Variants in MACF1 observed in about 807,000 individuals in gnomAD.
MACF1 encodes microtubule actin crosslinking factor 1.
Under a neutral mutation model 854.8 loss-of-function variants are expected in MACF1, and 193 were observed. The ratio of observed to expected loss-of-function variants is 0.23; its 90% confidence interval spans 0.20 to 0.25. The LOEUF (loss-of-function observed/expected upper bound fraction) is 0.25. MACF1 is among the 10% of genes least tolerant of loss of function. MACF1 has a pLI of 1.00. For synonymous variants in MACF1, 3,185 were observed against 3,226.7 expected, an observed-to-expected ratio of 0.99 and a Z score of 0.44; for missense variants, 7,722 against 8,929.1, an observed-to-expected ratio of 0.86 and a Z score of 5.45.
intron 14 of MACF1, among the ~76,000 whole-genome samples, chr1:39,286,474 C>T (rs377498593): frequency 0.084 from 12,253 of 146,554 alleles, 708 homozygotes; most frequent in Non-Finnish European, 0.12. Flanking sequence ...TTTTTTTCCC[C>T]TTTTTTTTTT....
At chr1:39,146,434 C>T (rs2148190593) in intron 2 of MACF1, among the ~76,000 whole-genome samples, 2 of 148,880 alleles carry the variant, frequency 1.3e-5, no homozygotes, top group Non-Finnish European at 3.0e-5. Context: ...CAGAGCAAGA[C>T]TCTGTCTCCT....
chr1:39,158,224 T>A (rs1309999312), intron 2 of MACF1, among the ~76,000 whole-genome samples: 1 of 152,078 alleles, frequency 6.6e-6, no homozygotes, highest in Non-Finnish European at 1.5e-5. Flanking sequence ...GTTGGGGATA[T>A]GTGGGTGATA....
intron 15 of MACF1, among the ~76,000 whole-genome samples, chr1:39,290,138 A>G (rs1356061766): frequency 1.3e-5 from 2 of 152,122 alleles, no homozygotes; most frequent in Non-Finnish European, 2.9e-5. Flanking sequence ...CTTGGAAAGT[A>G]TTTCTGGTGT....
chr1:39,107,309 G>T (rs1040330694), intron 2 of MACF1, among the ~76,000 whole-genome samples: 2 of 152,012 alleles, frequency 1.3e-5, no homozygotes, highest in Non-Finnish European at 2.9e-5. Context: ...CTTGTTCCAG[G>T]AGAGACCTCT....
rs1206773592 is a variant in MACF1 at position 39,282,241 on chromosome 1, G to A, written c.562G>A (p.Asp188Asn). Residue 188 changes from aspartate to asparagine, a missense_variant, in exon 7 of 101, where the codon GAT (aspartate) becomes AAT (asparagine). Physicochemically the swap from Asp to Asn is conservative, Grantham distance 23. Transcript: ENST00000564288. ...CATCTACATTAGTGGAGAATCAGGGGATATGTCAGCCAAGGAGAAACTACT... is the reference window on the plus strand; with the variant it reads ...CATCTACATTAGTGGAGAATCAGGGAATATGTCAGCCAAGGAGAAACTACT... ...SDIYISGESG[D>N]MSAKEKLLLW... 1 of 1,614,002 alleles carries A rather than the reference G, an allele frequency of 6.2e-7. No homozygotes were observed. Among genetic ancestry groups the A allele is most frequent in the South Asian group, 1.1e-5 (1 of 91,080 alleles).
intron 48 of MACF1, 54 bp from the exon 49 acceptor site, chr1:39,361,306 C>G: frequency 1.3e-6 from 2 of 1,546,746 alleles, no homozygotes; most frequent in Non-Finnish European, 1.8e-6. Context: ...GTTTGTGGCT[C>G]AGATGTCCTG....
rs747536687 is a variant in MACF1 at position 39,317,285 on chromosome 1, G to A, written c.3660G>A (p.Lys1220=). The change falls in exon 29 of 101, where the codon AAG becomes AAA. Residue 1220 remains lysine, a synonymous_variant. Coordinates refer to ENST00000564288, the MANE Select transcript of MACF1 (RefSeq NM_001394062.1). ...SVLDEEIAKA[K]VVAEQMSRLT... Reference sequence around the variant, plus strand: ...TGGATGAGGAAATTGCCAAGGCCAAGGTAGTGGCAGAGCAGATGAGTCGTC... The same window carrying A: ...TGGATGAGGAAATTGCCAAGGCCAAAGTAGTGGCAGAGCAGATGAGTCGTC... The A allele has an allele frequency of 1.2e-6, 2 of 1,613,988 alleles. No homozygotes were observed. Among genetic ancestry groups the A allele is most frequent in the Non-Finnish European group, 8.5e-7 (1 of 1,180,024 alleles).
At chr1:39,323,099 G>T in intron 33 of MACF1, 91 bp downstream of exon 33, 1 of 1,229,276 alleles carries the variant, frequency 8.1e-7, no homozygotes, top group Non-Finnish European at 1.2e-6. Flanking sequence ...CTGGTACCCA[G>T]GTGGCTGAGT....
At chr1:39,407,630 T>A (rs1642762864) in intron 58 of MACF1, among the ~76,000 whole-genome samples, 1 of 152,196 alleles carries the variant, frequency 6.6e-6, no homozygotes, top group Non-Finnish European at 1.5e-5. Context: ...GGTCTTTTAG[T>A]TGCCTAATTC....
At chr1:39,273,251 C>T (rs1200483056) in intron 6 of MACF1, among the ~76,000 whole-genome samples, 2 of 151,468 alleles carry the variant, frequency 1.3e-5, no homozygotes, top group African/African-American at 4.9e-5. Context: ...ATTCGCCTGC[C>T]TCAGCCTCCC....
chr1:39,440,701 A>G (rs561909704), intron 72 of MACF1, among the ~76,000 whole-genome samples: 1 of 152,158 alleles, frequency 6.6e-6, no homozygotes, highest in Non-Finnish European at 1.5e-5. Context: ...TTTCTCTGTA[A>G]TAGACTTCTA....
intron 6 of MACF1, among the ~76,000 whole-genome samples, chr1:39,274,335 A>G (rs1645390947): frequency 6.6e-6 from 1 of 152,238 alleles, no homozygotes; most frequent in African/African-American, 2.4e-5. Context: ...GATATAATAC[A>G]TATACAGTTG....
intron 2 of MACF1, among the ~76,000 whole-genome samples, chr1:39,123,114 A>G (rs2148160630): frequency 6.6e-6 from 1 of 152,170 alleles, no homozygotes; most frequent in East Asian, 1.9e-4. Flanking sequence ...GAGTTGTAGT[A>G]ATCAGAAGCA....
At chr1:39,407,994 T>C (rs1642780613) in intron 58 of MACF1, among the ~76,000 whole-genome samples, 1 of 152,210 alleles carries the variant, frequency 6.6e-6, no homozygotes, top group African/African-American at 2.4e-5. Flanking sequence ...AGTCACCAGG[T>C]GACCAAGTGG....
intron 2 of MACF1, among the ~76,000 whole-genome samples, chr1:39,128,692 C>G (rs973581658): frequency 6.6e-6 from 1 of 151,684 alleles, no homozygotes; most frequent in African/African-American, 2.4e-5. Context: ...GGGTGAGACT[C>G]CGTCTCAAAA....
Position 39,447,679 on chromosome 1 carries a change from A to G in MACF1, c.19762-13A>G, listed in dbSNP as rs2296173. On this transcript the variant is annotated splice_polypyrimidine_tract_variant and intron_variant, in intron 81 of 100. Coordinates refer to ENST00000564288, the MANE Select transcript of MACF1 (RefSeq NM_001394062.1). ...TTATCTTAAGCTAAAAAAGAGCACT[A>G]TTGTTCCCTCAGGTTTTTGCTAATG... 317,241 of 1,613,926 alleles carry G rather than the reference A, an allele frequency of 0.2. 33,080 individuals carry two copies. The highest frequency in any genetic ancestry group is 0.21 in the Non-Finnish European group (251,904 of 1,179,874).
intron 58 of MACF1, chr1:39,414,629 G>T: frequency 1.6e-6 from 2 of 1,220,194 alleles, no homozygotes; most frequent in South Asian, 1.8e-5. Context: ...TTCAGTTTTT[G>T]GGGAAAATAT....
At chr1:39,166,587 G>A (rs1643885458) in intron 2 of MACF1, among the ~76,000 whole-genome samples, 1 of 151,926 alleles carries the variant, frequency 6.6e-6, no homozygotes. Context: ...CTCCTGAGTA[G>A]CTGGGATTTG....
intron 87 of MACF1, 46 bp from the exon 88 acceptor site, chr1:39,453,661 T>G (rs373037646): frequency 1.3e-6 from 2 of 1,565,402 alleles, no homozygotes; most frequent in African/African-American, 2.7e-5. Context: ...ACAGTGCTGC[T>G]AATGTAGACT....
Sources: allele counts gnomAD v4.1 joint callset (sites outside exome capture counted in the v4.1 genomes callset), GRCh38; gene constraint gnomAD v4.1.1; transcripts MANE v1.5; gene names NCBI Gene and HGNC (gene_info 2026-07-23, HGNC 2026-07-21).